Variants in NTM observed in about 807,000 individuals in gnomAD.
NTM encodes the protein neurotrimin.
Under a neutral mutation model 42.1 loss-of-function variants are expected in NTM, and 13 were observed. The observed-to-expected ratio is 0.31, with a 90% confidence interval of 0.20 to 0.49. The LOEUF is 0.49. Among genes scored for constraint, NTM ranks in the 20% least tolerant of loss-of-function variants. NTM has a pLI of 0.99. For synonymous variants in NTM, 187 were observed against 179.2 expected (o/e 1.04, Z -0.35); for missense variants, 373 against 452.8 (o/e 0.82, Z 1.60).
rs76790629 is a variant in NTM at position 131,623,931 on chromosome 11, C to T, written c.82+253043C>T. 3.8e-3 allele frequency among the ~76,000 whole-genome samples: 575 copies of T among 152,302 alleles called. 5 individuals are homozygous for T. The highest frequency in any genetic ancestry group is 0.013 in the African/African-American group (543 of 41,572). On this transcript the variant is annotated intron_variant, in intron 1 of 8. Transcript: ENST00000683400. ...AATGAAGGGCCTACCCTGGCCGCTCCGACCTTGAGTCTCCTCATCCACTCT... is the reference window on the plus strand; with the variant it reads ...AATGAAGGGCCTACCCTGGCCGCTCTGACCTTGAGTCTCCTCATCCACTCT...
In NTM at chr11:131,957,294, G is replaced by A. The variant is rs201516038; in HGVS notation, c.167+45646G>A. On this transcript the variant is annotated intron_variant, in intron 2 of 8. Coordinates refer to ENST00000683400, the MANE Select transcript of NTM (RefSeq NM_001352005.2). ...GTGTGATTATTGCTTTTATATTCTA[G>A]TTAATTTTTCTGTGATGAAAAAGCA... 2.6e-5 allele frequency among the ~76,000 whole-genome samples: 4 copies of A among 152,270 alleles called. No individual in the cohort carries two copies. In the East Asian group the frequency reaches 7.7e-4, roughly 29 times the overall value.
At chr11:131,447,164 C>A (rs1950123020) in intron 1 of NTM, among the ~76,000 whole-genome samples, 1 of 152,194 alleles carries the variant, frequency 6.6e-6, no homozygotes. Flanking sequence ...AACTTCCAGG[C>A]TTTCAGGAAT....
chr11:131,547,064 C>T (rs973522705), intron 1 of NTM, among the ~76,000 whole-genome samples: 1 of 152,100 alleles, frequency 6.6e-6, no homozygotes, highest in African/African-American at 2.4e-5. Flanking sequence ...AGAGACAGAA[C>T]CAGATCCATG....
Position 132,101,542 on chromosome 11 carries a change from C to G in NTM, c.168-44740C>G, listed in dbSNP as rs1231396119. Among the ~76,000 whole-genome samples the G allele has an allele frequency of 2.2e-5, 3 of 138,624 alleles. No homozygotes were observed. In the East Asian group the frequency reaches 6.1e-4, roughly 28 times the overall value. The allele number at this position is 138,624 out of a possible 152,430, so 90.9% of individuals were successfully genotyped here. A position where few individuals can be genotyped will look rare whatever the true frequency, so the allele number is the denominator to read the frequency against. On this transcript the variant is annotated intron_variant, in intron 2 of 8. Transcript: ENST00000683400. ...GCTAAATAAGGGAGTTTGGATAGAC[C>G]AAGGAACACAACCTTGTGTGTGTGT...
intron 2 of NTM, among the ~76,000 whole-genome samples, chr11:132,042,777 A>T (rs2077377313): frequency 6.6e-6 from 1 of 152,198 alleles, no homozygotes; most frequent in African/African-American, 2.4e-5. Context: ...ACAAAGCTAG[A>T]TTACTTTTTT....
At chr11:131,767,597 T>C (rs1179340742) in intron 1 of NTM, among the ~76,000 whole-genome samples, 3 of 152,140 alleles carry the variant, frequency 2.0e-5, no homozygotes, top group Non-Finnish European at 4.4e-5. Flanking sequence ...GTTAGAGCAA[T>C]GTGAGGACAC....
At chr11:132,022,207 G>A (rs1438599531) in intron 2 of NTM, among the ~76,000 whole-genome samples, 1 of 152,314 alleles carries the variant, frequency 6.6e-6, no homozygotes, top group Admixed American at 6.5e-5. Context: ...GTTCTTAACC[G>A]AAGTTCAGAA....
intron 1 of NTM, chr11:131,795,706 C>T: frequency 3.0e-6 from 3 of 985,400 alleles, no homozygotes; most frequent in Non-Finnish European, 3.6e-6. Context: ...CATTTTCTTT[C>T]TGTGCTGGGC....
chr11:131,827,716 G>A (rs1047539509), intron 1 of NTM, among the ~76,000 whole-genome samples: 1 of 152,174 alleles, frequency 6.6e-6, no homozygotes, highest in Admixed American at 6.5e-5. Flanking sequence ...TTCACACTGA[G>A]TAGTTATCTT....
At chr11:131,826,054 T>A (rs753047561) in intron 1 of NTM, among the ~76,000 whole-genome samples, 1 of 152,156 alleles carries the variant, frequency 6.6e-6, no homozygotes, top group Non-Finnish European at 1.5e-5. Flanking sequence ...GGAGAGAGCC[T>A]AGGAATTTGC....
chr11:131,473,542 G>T (rs772292011), intron 1 of NTM, among the ~76,000 whole-genome samples: 1 of 152,150 alleles, frequency 6.6e-6, no homozygotes, highest in African/African-American at 2.4e-5. Flanking sequence ...GGATAAGCAG[G>T]CTTTCAATAA....
At chr11:131,673,112 G>GGA (rs1430405952) in intron 1 of NTM, among the ~76,000 whole-genome samples, 1 of 152,192 alleles carries the variant, frequency 6.6e-6, no homozygotes, top group Non-Finnish European at 1.5e-5. Flanking sequence ...AGATGGGGAT[G>GGA]GAGAGGGCTA....
chr11:131,995,737 C>A (rs1305582372), intron 2 of NTM, among the ~76,000 whole-genome samples: 2 of 152,044 alleles, frequency 1.3e-5, no homozygotes, highest in Non-Finnish European at 2.9e-5. Context: ...ATGAAGCCAA[C>A]AAAGACGGCT....
intron 2 of NTM, among the ~76,000 whole-genome samples, chr11:131,938,535 G>T (rs1007456653): frequency 5.9e-5 from 9 of 152,222 alleles, no homozygotes; most frequent in African/African-American, 2.2e-4. Context: ...TGAAGAGTTT[G>T]CCTTTTCTCT....
At chr11:131,997,348 G>A (rs915893924) in intron 2 of NTM, among the ~76,000 whole-genome samples, 1 of 152,188 alleles carries the variant, frequency 6.6e-6, no homozygotes, top group African/African-American at 2.4e-5. Context: ...ACTTCTGCAG[G>A]ATGACTCTGG....
intron 1 of NTM, among the ~76,000 whole-genome samples, chr11:131,618,968 T>C (rs1261545329): frequency 6.6e-6 from 1 of 152,164 alleles, no homozygotes; most frequent in Non-Finnish European, 1.5e-5. Context: ...AGTGATTAGG[T>C]AGGACAAAAA....
chr11:131,584,237 A>G (rs2058662592), intron 1 of NTM, among the ~76,000 whole-genome samples: 1 of 152,200 alleles, frequency 6.6e-6, no homozygotes, highest in African/African-American at 2.4e-5. Context: ...AACCACTTGC[A>G]ACCATTCCCA....
intron 1 of NTM, among the ~76,000 whole-genome samples, chr11:131,784,415 T>C (rs1402636370): frequency 1.4e-5 from 2 of 145,368 alleles, no homozygotes; most frequent in Non-Finnish European, 3.0e-5. Context: ...TATTGAGTAA[T>C]GAGTAATGAA....
rs1488278558 is a variant in NTM, at chr11:132,279,212, T to C, written c.527-28477T>C. 4.6e-5 allele frequency among the ~76,000 whole-genome samples: 7 copies of C among 152,338 alleles called. No homozygotes were observed. In the East Asian group the frequency reaches 1.4e-3, roughly 29 times the overall value. On this transcript the variant is annotated intron_variant, in intron 4 of 8. Transcript: ENST00000683400. The stretch of plus-strand genomic sequence containing the variant: ...TCCAAGTCCCATCAATTAATTCTTC[T>C]AAATTTCCTTTTAATATATTACATT...
Sources: gnomAD v4.1 joint callset for allele counts (sites outside exome capture counted in the v4.1 genomes callset) on GRCh38, gnomAD v4.1.1 for gene constraint, MANE v1.5 for transcripts, NCBI Gene and HGNC (gene_info 2026-07-23, HGNC 2026-07-21) for gene names.